Variants in GREB1L observed in about 807,000 individuals in gnomAD.
GREB1L encodes GREB1 like retinoic acid receptor coactivator, also known as GREB1-like protein.
In GREB1L, 17 loss-of-function variants were observed where a neutral mutation model predicts 200.8. The ratio of observed to expected loss-of-function variants is 0.08; its 90% confidence interval spans 0.06 to 0.13. The LOEUF (loss-of-function observed/expected upper bound fraction) is 0.13, where lower values mean the gene tolerates loss of function less well. Ranked by LOEUF, GREB1L falls within the 10% of genes least tolerant of loss-of-function variation. The pLI is 1.00. For synonymous variants in GREB1L, 789 were observed against 893.0 expected, an observed-to-expected ratio of 0.88 and a Z score of 2.08; for missense variants, 1,657 against 2,367.7, an observed-to-expected ratio of 0.70 and a Z score of 6.23.
At chr18:21,371,257 T>G (rs1330356468) in intron 2 of GREB1L, among the ~76,000 whole-genome samples, 1 of 152,138 alleles carries the variant, frequency 6.6e-6, no homozygotes, top group Non-Finnish European at 1.5e-5. Flanking sequence ...GTGCTGTTCT[T>G]GGTGTCAAAG....
chr18:21,389,867 A>T (rs1250102781), intron 4 of GREB1L, among the ~76,000 whole-genome samples: 1 of 152,064 alleles, frequency 6.6e-6, no homozygotes, highest in Non-Finnish European at 1.5e-5. Flanking sequence ...GTATCAAATG[A>T]TGCTCAGAAA....
At chr18:21,254,320 T>C (rs2037766701) in intron 1 of GREB1L, among the ~76,000 whole-genome samples, 1 of 152,036 alleles carries the variant, frequency 6.6e-6, no homozygotes, top group Non-Finnish European at 1.5e-5. Flanking sequence ...TCAGCCCACC[T>C]GGGCCTCCCA....
chr18:21,426,654 T>G (rs570523503), intron 7 of GREB1L, among the ~76,000 whole-genome samples: 3 of 152,254 alleles, frequency 2.0e-5, no homozygotes, highest in East Asian at 3.9e-4. Flanking sequence ...GCTTTGCTTT[T>G]CTTTTTCAAG....
At chr18:21,358,607 G>T (rs902069757) in intron 1 of GREB1L, among the ~76,000 whole-genome samples, 1 of 152,158 alleles carries the variant, frequency 6.6e-6, no homozygotes, top group Non-Finnish European at 1.5e-5. Flanking sequence ...GAGCCACCGC[G>T]CCCAGCCTGT....
chr18:21,452,509 T>C (rs2034574901), intron 14 of GREB1L: 1 of 299,998 alleles, frequency 3.3e-6, no homozygotes, highest in South Asian at 6.6e-5. Flanking sequence ...TCATTTTCCT[T>C]AGCTCCACCA....
At chr18:21,445,147 C>G (rs901464351) in intron 11 of GREB1L, among the ~76,000 whole-genome samples, 2 of 152,218 alleles carry the variant, frequency 1.3e-5, no homozygotes, top group Non-Finnish European at 2.9e-5. Flanking sequence ...TACACTCACT[C>G]TATCACTTCA....
intron 1 of GREB1L, among the ~76,000 whole-genome samples, chr18:21,254,897 A>G (rs565600888): frequency 6.6e-6 from 1 of 152,290 alleles, no homozygotes; most frequent in Admixed American, 6.5e-5. Flanking sequence ...TTGATGTCCC[A>G]AATCTTAGTG....
chr18:21,459,972 G>A (rs937886908), intron 15 of GREB1L, among the ~76,000 whole-genome samples: 2 of 152,048 alleles, frequency 1.3e-5, no homozygotes, highest in African/African-American at 4.8e-5. Flanking sequence ...CTTCACCACA[G>A]CCACAATGAC....
intron 4 of GREB1L, among the ~76,000 whole-genome samples, chr18:21,386,355 G>A (rs866951286): frequency 2.0e-5 from 3 of 151,976 alleles, no homozygotes; most frequent in Admixed American, 6.6e-5. Context: ...GCAGTGGCGC[G>A]ACCTCAGCTC....
At chr18:21,417,359 TAAAA>T (rs2031737274) in intron 7 of GREB1L, among the ~76,000 whole-genome samples, 1 of 151,720 alleles carries the variant, frequency 6.6e-6, no homozygotes, top group African/African-American at 2.4e-5. Context: ...CCATTTCTAC[TAAAA>T]ATGCAAAAAA....
At chr18:21,412,518 C>G (rs1164056500) in intron 7 of GREB1L, among the ~76,000 whole-genome samples, 1 of 152,228 alleles carries the variant, frequency 6.6e-6, no homozygotes, top group Non-Finnish European at 1.5e-5. Context: ...AAAGATGATA[C>G]TGAACAAAAA....
chr18:21,474,576 G>C (rs551023332), intron 16 of GREB1L, among the ~76,000 whole-genome samples: 1 of 152,254 alleles, frequency 6.6e-6, no homozygotes, highest in African/African-American at 2.4e-5. Flanking sequence ...TGTGGAAGCT[G>C]CTTCCACCCT....
At chr18:21,412,633 C>T (rs763565638) in intron 7 of GREB1L, among the ~76,000 whole-genome samples, 1 of 152,092 alleles carries the variant, frequency 6.6e-6, no homozygotes, top group African/African-American at 2.4e-5. Flanking sequence ...CAGTGATCAC[C>T]TCTGGGCAGA....
At chr18:21,360,037 G>T (rs1451736855) in intron 1 of GREB1L, among the ~76,000 whole-genome samples, 2 of 152,184 alleles carry the variant, frequency 1.3e-5, no homozygotes, top group Non-Finnish European at 2.9e-5. Flanking sequence ...GTGGTATAAG[G>T]ATGTTTGTGG....
chr18:21,369,276 CA>C (rs2039784743), intron 2 of GREB1L, among the ~76,000 whole-genome samples: 1 of 152,122 alleles, frequency 6.6e-6, no homozygotes, highest in South Asian at 2.1e-4. Flanking sequence ...ACTTTGGAAG[CA>C]TTTCTGGTTA....
intron 4 of GREB1L, among the ~76,000 whole-genome samples, chr18:21,386,264 A>C (rs2040533805): frequency 6.6e-6 from 1 of 152,040 alleles, no homozygotes; most frequent in African/African-American, 2.4e-5. Context: ...CAAAGTTTAT[A>C]ATTAATTTGG....
intron 1 of GREB1L, among the ~76,000 whole-genome samples, chr18:21,243,296 A>G (rs1179090254): frequency 2.0e-5 from 3 of 151,970 alleles, no homozygotes; most frequent in Non-Finnish European, 4.4e-5. Context: ...CCCGAACGCG[A>G]CTCGTTTGCC....
At chr18:21,333,091 C>A (rs1430663228) in intron 1 of GREB1L, among the ~76,000 whole-genome samples, 3 of 151,916 alleles carry the variant, frequency 2.0e-5, no homozygotes, top group Non-Finnish European at 4.4e-5. Context: ...AATACACACA[C>A]ACGCGCGCGC....
rs534916220 is a variant in GREB1L at position 21,338,724 on chromosome 18, G to T, written c.-119-27303G>T. On this transcript the variant is annotated intron_variant, in intron 1 of 32. Coordinates refer to ENST00000424526, the MANE Select transcript of GREB1L (RefSeq NM_001142966.3). The stretch of plus-strand genomic sequence containing the variant: ...TTTTACCCCAAAATAAAAATAAGTT[G>T]TTTTTCAACTTAAGCCACCAGCCTA... Among the ~76,000 whole-genome samples the T allele has an allele frequency of 9.5e-4, 145 of 152,314 alleles. 1 individual carries two copies. The highest frequency in any genetic ancestry group is 3.3e-3 in the African/African-American group (136 of 41,576).
Sources: allele counts gnomAD v4.1 joint callset (sites outside exome capture counted in the v4.1 genomes callset), GRCh38; gene constraint gnomAD v4.1.1; transcripts MANE v1.5; gene names NCBI Gene and HGNC (gene_info 2026-07-23, HGNC 2026-07-21).